Variants in PDE12 observed in about 807,000 individuals in gnomAD.
PDE12 encodes the protein phosphodiesterase 12, also known as 2',5'-phosphodiesterase 12.
In PDE12, 26 loss-of-function variants were observed where a neutral mutation model predicts 45.4. The observed-to-expected ratio is 0.57, with a 90% confidence interval of 0.42 to 0.79. PDE12 has a LOEUF of 0.79. Among genes scored for constraint, PDE12 ranks in the 30% least tolerant of loss-of-function variants. The pLI, the probability that PDE12 is intolerant of heterozygous loss-of-function variation, is 0.00. For missense variants in PDE12, 668 were observed against 790.0 expected, an observed-to-expected ratio of 0.85 and a Z score of 1.85; for synonymous variants, 283 against 323.9, an observed-to-expected ratio of 0.87 and a Z score of 1.36.
the PDE12 span, among the ~76,000 whole-genome samples, chr3:57,607,782 A>C: frequency 6.6e-6 from 1 of 152,174 alleles, no homozygotes; most frequent in South Asian, 2.1e-4. Flanking sequence ...TGATGGGGAG[A>C]ATGGAATGGA....
chr3:57,635,641 A>G, the PDE12 span, among the ~76,000 whole-genome samples: 1 of 152,222 alleles, frequency 6.6e-6, no homozygotes, highest in South Asian at 2.1e-4. Context: ...CATAGATCAA[A>G]CTGCTAATTG....
chr3:57,569,577 A>G (rs1329634073), downstream of PDE12, among the ~76,000 whole-genome samples: 2 of 151,916 alleles, frequency 1.3e-5, no homozygotes, highest in Non-Finnish European at 2.9e-5. Context: ...TCTGGTCTTG[A>G]ACTCCCAACC....
At chr3:57,617,837 C>G in the PDE12 span, among the ~76,000 whole-genome samples, 3 of 151,464 alleles carry the variant, frequency 2.0e-5, no homozygotes, top group African/African-American at 4.9e-5. Context: ...CCACCACACT[C>G]TAGCCTGGGC....
At chr3:57,620,264 C>A in the PDE12 span, among the ~76,000 whole-genome samples, 4 of 151,298 alleles carry the variant, frequency 2.6e-5, no homozygotes, top group Non-Finnish European at 4.4e-5. Flanking sequence ...AGATCAGAAA[C>A]AAAGAGCCGG....
the PDE12 span, among the ~76,000 whole-genome samples, chr3:57,582,247 AT>A: frequency 1.1e-3 from 160 of 144,278 alleles, no homozygotes; most frequent in East Asian, 2.0e-3. Context: ...ACATTCTACT[AT>A]TTTTTTTTTT....
the PDE12 span, among the ~76,000 whole-genome samples, chr3:57,643,934 A>G: frequency 1.8e-4 from 28 of 151,860 alleles, no homozygotes; most frequent in East Asian, 5.1e-3. Flanking sequence ...GCAGATCACG[A>G]GGTCAGGAGT....
chr3:57,566,510 G>A lies in PDE12; in HGVS notation c.*6506G>A, dbSNP rs1342909619. 1 of 152,088 alleles carries A rather than the reference G, an allele frequency of 6.6e-6. No homozygotes were observed. The highest frequency in any genetic ancestry group is 1.9e-4 in the East Asian group (1 of 5,190). The allele number at this position is 152,088 out of a possible 1,614,324, so 9.4% of individuals were successfully genotyped here. A position where few individuals can be genotyped will look rare whatever the true frequency, so the allele number is the denominator to read the frequency against. The stretch of plus-strand genomic sequence containing the variant: ...GGCACATACAGGGAATGGAATTGTT[G>A]GGTGCTGTGATAACCTTTTGAGGAA... On this transcript the variant is annotated 3_prime_UTR_variant, in exon 3 of 3. Transcript: ENST00000311180.
chr3:57,596,477 G>C, the PDE12 span: 1 of 152,238 alleles, frequency 6.6e-6, no homozygotes, highest in Non-Finnish European at 1.5e-5. Flanking sequence ...ACTTGAAACG[G>C]AATCCAGCGC....
rs1352460140 is a variant in PDE12, at chr3:57,559,359, C to T, written c.1358C>T (p.Ala453Val). Residue 453 changes from alanine to valine, a missense_variant, in exon 2 of 3, where the codon GCT becomes GTT. This residue lies in a region of PDE12 where 580 missense variants were observed against 662.9 expected (regional missense o/e 0.87). Coordinates refer to ENST00000311180, the MANE Select transcript of PDE12 (RefSeq NM_177966.7). Reference protein sequence around the residue: ...TKDSSKRICVANTHLYWHPKG... With the variant: ...TKDSSKRICVVNTHLYWHPKG... Reference sequence around the variant, plus strand: ...GACTCTTCTAAAAGGATATGTGTTGCTAATACCCATCTTTACTGGCATCCT... The same window carrying T: ...GACTCTTCTAAAAGGATATGTGTTGTTAATACCCATCTTTACTGGCATCCT... The T allele has an allele frequency of 6.2e-7, 1 of 1,612,594 alleles. No homozygotes were observed. The highest frequency in any genetic ancestry group is 1.1e-5 in the South Asian group (1 of 91,034).
Position 57,566,039 on chromosome 3 carries a change from GCACAGTGGC to G in PDE12, c.*6036_*6044del, listed in dbSNP as rs2069783711. 6.6e-6 allele frequency: 1 copy of G among 152,094 alleles called. No homozygotes were observed. The highest frequency in any genetic ancestry group is 1.5e-5 in the Non-Finnish European group (1 of 68,048). The allele number at this position is 152,094 out of a possible 1,614,324, so 9.4% of individuals were successfully genotyped here. On this transcript the variant is annotated 3_prime_UTR_variant, in exon 3 of 3. Transcript: ENST00000311180. ...TATTATAAATAATGGAATCAGGCCA[GCACAGTGGC>G]TCACGTCACATAATCCCACTCTCCT...
chr3:57,576,376 T>C, the PDE12 span, among the ~76,000 whole-genome samples: 1 of 152,150 alleles, frequency 6.6e-6, no homozygotes, highest in Non-Finnish European at 1.5e-5. Context: ...AAGATTTCTT[T>C]GAGGGTGATG....
rs2069774516 is a variant in PDE12 at position 57,565,335 on chromosome 3, A to G, written c.*5331A>G. On this transcript the variant is annotated 3_prime_UTR_variant, in exon 3 of 3. Coordinates refer to ENST00000311180, the MANE Select transcript of PDE12 (RefSeq NM_177966.7). ...ACAAATTTTTTCTCCAGAAAAAAAC[A>G]TATTTATCAACTTTTAAAAACATTT... 1.3e-5 allele frequency: 2 copies of G among 152,200 alleles called. No homozygotes were observed. Among genetic ancestry groups the G allele is most frequent in the African/African-American group, 2.4e-5 (1 of 41,442 alleles). 9.4% of individuals were successfully genotyped at this position (152,200 alleles called of 1,614,324 possible).
At position 57,557,650 on chromosome 3, in the gene PDE12, C is replaced by T. The variant is rs1295974183; in HGVS notation, c.1271C>T (p.Ala424Val). 2 of 1,614,090 alleles carry T rather than the reference C, an allele frequency of 1.2e-6. No individual in the cohort carries two copies. Among genetic ancestry groups the T allele is most frequent in the East Asian group, 4.5e-5 (2 of 44,880 alleles). The change falls in exon 1 of 3, where the codon GCG becomes GTG. Residue 424 changes from alanine to valine, a missense_variant. By Grantham distance (64) the Ala-to-Val change is moderately conservative. Coordinates refer to ENST00000311180, the MANE Select transcript of PDE12 (RefSeq NM_177966.7). ...LLEKLVLYPS[A>V]QEKVLQRSSV... Reference sequence around the variant, plus strand: ...GAGAAACTAGTTTTGTACCCATCAGCGCAGGAGAAGGTGCTCCAGAGATCT... The same window carrying T: ...GAGAAACTAGTTTTGTACCCATCAGTGCAGGAGAAGGTGCTCCAGAGATCT...
At chr3:57,642,876 G>T in the PDE12 span, among the ~76,000 whole-genome samples, 28 of 151,984 alleles carry the variant, frequency 1.8e-4, no homozygotes, top group Non-Finnish European at 3.1e-4. Context: ...TGTGGTGGCA[G>T]GCGCCTGTAA....
the PDE12 span, among the ~76,000 whole-genome samples, chr3:57,636,375 C>T: frequency 1.3e-5 from 2 of 152,182 alleles, no homozygotes; most frequent in Non-Finnish European, 2.9e-5. Flanking sequence ...CATGGATACA[C>T]AGACTTATTT....
chr3:57,628,130 A>C, the PDE12 span: 8 of 1,529,236 alleles, frequency 5.2e-6, no homozygotes, highest in South Asian at 1.3e-5. Context: ...GCTGCCACTG[A>C]GAGATCTCCT....
chr3:57,638,566 G>A, the PDE12 span, among the ~76,000 whole-genome samples: 1 of 152,246 alleles, frequency 6.6e-6, no homozygotes, highest in Middle Eastern at 3.4e-3. Flanking sequence ...GCTAAGGCAG[G>A]AGAATTGCTT....
chr3:57,561,075 G>A lies in PDE12; in HGVS notation c.*1071G>A. 1.0e-6 allele frequency: 1 copy of A among 980,656 alleles called. No homozygotes were observed. Among genetic ancestry groups the A allele is most frequent in the Non-Finnish European group, 1.2e-6 (1 of 825,308 alleles). 60.7% of individuals were successfully genotyped at this position (980,656 alleles called of 1,614,324 possible). On this transcript the variant is annotated 3_prime_UTR_variant, in exon 3 of 3. Transcript: ENST00000311180. ...TACTGCAGCTCATTTTAATTTTTAG[G>A]ATGCAAGCACAATTTAGTATTCAAA...
chr3:57,604,019 A>C, the PDE12 span, among the ~76,000 whole-genome samples: 1 of 151,086 alleles, frequency 6.6e-6, no homozygotes, highest in Non-Finnish European at 1.5e-5. Flanking sequence ...CTGCCTCCCA[A>C]GTTCAAGCAG....
Sources: allele counts gnomAD v4.1 joint callset (sites outside exome capture counted in the v4.1 genomes callset), GRCh38; gene constraint gnomAD v4.1.1; regional missense constraint gnomAD v4.1.1; transcripts MANE v1.5; gene names NCBI Gene and HGNC (gene_info 2026-07-23, HGNC 2026-07-21).